CDH12: variants seen among roughly 807,000 people sequenced by gnomAD.
CDH12 encodes cadherin 12, also known as cadherin-12.
CDH12 carries 41 observed loss-of-function variants against 74.1 expected under a neutral mutation model. The observed-to-expected ratio is 0.55, with a 90% CI of 0.43 to 0.72. The LOEUF (loss-of-function observed/expected upper bound fraction) is 0.72. Among genes scored for constraint, CDH12 ranks in the 30% least tolerant of loss-of-function variants. The probability of loss-of-function intolerance (pLI) is 0.00; values close to 1 mark genes in which losing one functional copy is unlikely to be tolerated. For missense variants in CDH12, 945 were observed against 977.2 expected, an observed-to-expected ratio of 0.97 and a Z score of 0.44; for synonymous variants, 399 against 355.0, an observed-to-expected ratio of 1.12 and a Z score of -1.39.
intron 6 of CDH12, among the ~76,000 whole-genome samples, chr5:21,867,653 C>T (rs966963497): frequency 2.0e-5 from 3 of 152,212 alleles, no homozygotes; most frequent in Non-Finnish European, 4.4e-5. Context: ...TGTATTTACC[C>T]AATGCCTATA....
At chr5:22,480,337 C>G (rs1385122258) in intron 2 of CDH12, among the ~76,000 whole-genome samples, 2 of 151,910 alleles carry the variant, frequency 1.3e-5, no homozygotes, top group African/African-American at 4.8e-5. Context: ...AATCCCAGCA[C>G]TTTGCAAGGC....
chr5:22,016,791 C>T (rs1737637482), intron 5 of CDH12, among the ~76,000 whole-genome samples: 1 of 152,134 alleles, frequency 6.6e-6, no homozygotes, highest in Non-Finnish European at 1.5e-5. Context: ...GGTTTATTCT[C>T]TTCTCTGAAG....
chr5:22,726,873 A>C (rs1744190440), intron 1 of CDH12, among the ~76,000 whole-genome samples: 1 of 151,832 alleles, frequency 6.6e-6, no homozygotes, highest in Non-Finnish European at 1.5e-5. Context: ...TTATATATTC[A>C]AATAAAAACC....
intron 5 of CDH12, among the ~76,000 whole-genome samples, chr5:21,994,785 G>A (rs114801789): frequency 6.6e-4 from 100 of 152,260 alleles, no homozygotes; most frequent in African/African-American, 2.1e-3. Flanking sequence ...ACCAATCAGC[G>A]TTCTGTGACT....
At chr5:22,810,452 G>T (rs779033300) in intron 1 of CDH12, among the ~76,000 whole-genome samples, 2 of 151,902 alleles carry the variant, frequency 1.3e-5, no homozygotes, top group African/African-American at 4.8e-5. Flanking sequence ...TATTCCAAGG[G>T]ACACTTTTAT....
intron 5 of CDH12, among the ~76,000 whole-genome samples, chr5:22,053,295 T>G (rs1740513076): frequency 6.6e-6 from 1 of 152,122 alleles, no homozygotes; most frequent in African/African-American, 2.4e-5. Context: ...TGTCTCAAGT[T>G]ATAACCCATT....
chr5:22,496,799 AC>A (rs1428593582), intron 2 of CDH12, among the ~76,000 whole-genome samples: 4 of 152,034 alleles, frequency 2.6e-5, no homozygotes, highest in Non-Finnish European at 5.9e-5. Context: ...TTCACCCTAC[AC>A]TGACCACTTC....
intron 4 of CDH12, among the ~76,000 whole-genome samples, chr5:22,105,296 T>C (rs1744368458): frequency 6.6e-6 from 1 of 151,452 alleles, no homozygotes; most frequent in Admixed American, 6.6e-5. Flanking sequence ...GGTTTCACCA[T>C]GTTGGCCAGG....
At chr5:22,450,866 C>T (rs932332394) in intron 2 of CDH12, among the ~76,000 whole-genome samples, 13 of 144,736 alleles carry the variant, frequency 9.0e-5, no homozygotes, top group African/African-American at 3.3e-4. Flanking sequence ...CTAGACCCAC[C>T]TAATAAGCCA....
chr5:21,915,678 GCACACCC>G lies in CDH12; in HGVS notation c.526+59406_526+59412del, dbSNP rs543410743. Among the ~76,000 whole-genome samples the G allele has an allele frequency of 7.2e-3, 1,091 of 152,258 alleles. 3 individuals are homozygous for G. The highest frequency in any genetic ancestry group is 0.014 in the Middle Eastern group (4 of 294). ...ACCAAGCCTACCAACCAGTGGAGGG[GCACACCC>G]CTTACTTGGGATGGGGAAAATGAGT... is the stretch of plus-strand genomic sequence containing the variant. On this transcript the variant is annotated intron_variant, in intron 6 of 14. Transcript: ENST00000382254.
At chr5:22,047,152 A>C (rs1443785953) in intron 5 of CDH12, among the ~76,000 whole-genome samples, 1 of 152,132 alleles carries the variant, frequency 6.6e-6, no homozygotes, top group Non-Finnish European at 1.5e-5. Context: ...TATGGATTGA[A>C]TCTAGCTCCA....
At chr5:22,080,796 T>C (rs1400329368) in intron 4 of CDH12, among the ~76,000 whole-genome samples, 4 of 152,132 alleles carry the variant, frequency 2.6e-5, no homozygotes, top group African/African-American at 9.7e-5. Flanking sequence ...TTTTTCTTTT[T>C]TTTGATGGAG....
intron 3 of CDH12, among the ~76,000 whole-genome samples, chr5:22,391,433 A>G (rs1216230922): frequency 2.0e-5 from 3 of 152,152 alleles, no homozygotes; most frequent in Non-Finnish European, 1.5e-5. Flanking sequence ...AAACAACAAA[A>G]TTTGGGTTTA....
intron 4 of CDH12, chr5:22,152,118 C>T (rs1747632707): frequency 6.6e-6 from 1 of 151,984 alleles, no homozygotes; most frequent in Admixed American, 6.6e-5. Flanking sequence ...TCCGTACTAC[C>T]AGGAGACTGG....
chr5:22,529,247 A>T (rs1296855331), intron 1 of CDH12, among the ~76,000 whole-genome samples: 1 of 150,202 alleles, frequency 6.7e-6, no homozygotes, highest in Non-Finnish European at 1.5e-5. Flanking sequence ...GAGATTTATT[A>T]TAAGAAGCTG....
intron 1 of CDH12, among the ~76,000 whole-genome samples, chr5:22,790,674 G>A (rs551666909): frequency 1.4e-4 from 21 of 151,926 alleles, no homozygotes; most frequent in South Asian, 4.1e-4. Context: ...ATATTAGCCA[G>A]ATGTTTGTGG....
intron 1 of CDH12, among the ~76,000 whole-genome samples, chr5:22,555,772 C>T (rs1441095818): frequency 1.3e-5 from 2 of 151,832 alleles, no homozygotes; most frequent in Non-Finnish European, 2.9e-5. Context: ...TTTGTGTATT[C>T]TTTTCTGTTT....
At chr5:21,848,622 A>AT (rs1331049663) in intron 7 of CDH12, among the ~76,000 whole-genome samples, 1 of 151,932 alleles carries the variant, frequency 6.6e-6, no homozygotes, top group Non-Finnish European at 1.5e-5. Context: ...TTTGTATATG[A>AT]TTTTTTAAAT....
intron 3 of CDH12, among the ~76,000 whole-genome samples, chr5:22,235,578 CA>C (rs59858757): frequency 0.86 from 127,444 of 147,430 alleles, 55,291 homozygotes; most frequent in Non-Finnish European, 0.92. Context: ...GAGACTGTTT[CA>C]AAAAAAAAAA....
Sources: allele counts gnomAD v4.1 joint callset (sites outside exome capture counted in the v4.1 genomes callset), GRCh38; gene constraint gnomAD v4.1.1; transcripts MANE v1.5; gene names NCBI Gene and HGNC (gene_info 2026-07-23, HGNC 2026-07-21).